Variants in GLB1L3 observed in about 807,000 individuals in gnomAD.
GLB1L3 encodes beta-galactosidase-1-like protein 3.
A neutral mutation model predicts 89.5 loss-of-function variants in GLB1L3; 89 were observed. The observed-to-expected ratio is 0.99, with a 90% CI of 0.84 to 1.19. GLB1L3 has a LOEUF of 1.19. Ranked by LOEUF, GLB1L3 falls within the 50% of genes most tolerant of loss-of-function variation. GLB1L3 has a pLI of 0.00. For missense variants in GLB1L3, 812 were observed against 813.3 expected (o/e 1.00, Z 0.02); for synonymous variants, 314 against 312.3 (o/e 1.01, Z -0.06).
intron 9 of GLB1L3, among the ~76,000 whole-genome samples, chr11:134,293,922 C>T (rs1386623910): frequency 3.3e-5 from 5 of 152,130 alleles, no homozygotes; most frequent in South Asian, 2.1e-4. Context: ...CTCCCAGCCC[C>T]GCTACCCCTC....
chr11:134,318,562 C>G (rs1258605476), intron 18 of GLB1L3, 69 bp from the exon 19 acceptor site: 3 of 905,880 alleles, frequency 3.3e-6, no homozygotes, highest in Admixed American at 4.0e-5. Flanking sequence ...CTCTCACTCT[C>G]CAAGTGCCTT....
chr11:134,305,316 G>C, intron 9 of GLB1L3: 1 of 513,430 alleles, frequency 1.9e-6, no homozygotes, highest in Non-Finnish European at 3.5e-6. Context: ...GCACTATAGA[G>C]TATGCTTCTT....
intron 7 of GLB1L3, among the ~76,000 whole-genome samples, chr11:134,290,945 A>G (rs542707): frequency 0.79 from 120,550 of 151,758 alleles, 48,726 homozygotes; most frequent in Non-Finnish European, 0.87. Context: ...TTCCCTGGAG[A>G]CTTTGATCAT....
chr11:134,276,810 G>A (rs1940390682), intron 1 of GLB1L3, 47 bp downstream of exon 1: 3 of 1,356,366 alleles, frequency 2.2e-6, no homozygotes, highest in South Asian at 3.6e-5. Flanking sequence ...ACCCCGGCGC[G>A]TGCCCGGGAG....
chr11:134,312,221 C>T, intron 13 of GLB1L3, 128 bp from the exon 14 acceptor site: 2 of 1,015,106 alleles, frequency 2.0e-6, no homozygotes, highest in Non-Finnish European at 2.9e-6. Context: ...CACATGGCAT[C>T]TGTTTCATCA....
rs1009061011 is a variant in GLB1L3, at chr11:134,313,007, G to A, written c.1500+120G>A. Reference sequence around the variant, plus strand: ...GCTGCTGGTGCTGCTGCTCACCTGGGGCGGCGGCAGGAAGTGTGCAGGGCT... The same window carrying A: ...GCTGCTGGTGCTGCTGCTCACCTGGAGCGGCGGCAGGAAGTGTGCAGGGCT... On this transcript the variant is annotated intron_variant, in intron 15 of 19. Transcript: ENST00000431683. 2.2e-5 allele frequency: 17 copies of A among 773,900 alleles called. No homozygotes were observed. The African/African-American group carries it at 2.4e-4, about 11-fold the overall frequency. 47.9% of individuals were successfully genotyped at this position (773,900 alleles called of 1,614,324 possible). A position where few individuals can be genotyped will look rare whatever the true frequency, so the allele number is the denominator to read the frequency against.
intron 6 of GLB1L3, among the ~76,000 whole-genome samples, chr11:134,287,800 GGGCAGAGGGTGAGGCGGGAAGGA>G (rs1941104737): frequency 6.6e-6 from 1 of 152,202 alleles, no homozygotes; most frequent in South Asian, 2.1e-4. Context: ...CAGCACGCCT[GGGCAGAGGGTGAGGCGGGAAGGA>G]GGCAGAGGGG....
intron 9 of GLB1L3, among the ~76,000 whole-genome samples, chr11:134,293,887 G>A (rs2136152509): frequency 6.6e-6 from 1 of 152,114 alleles, no homozygotes; most frequent in Non-Finnish European, 1.5e-5. Context: ...TTGGCCAGCT[G>A]GGCCGCTGTG....
intron 10 of GLB1L3, among the ~76,000 whole-genome samples, chr11:134,308,208 C>CCAT (rs1942325459): frequency 3.7e-5 from 1 of 27,224 alleles, no homozygotes; most frequent in African/African-American, 2.1e-4. Context: ...ACCACTACCA[C>CCAT]CACCACCATC....
chr11:134,288,818 C>A lies in GLB1L3; in HGVS notation c.657C>A (p.Val219=). 1 of 1,613,268 alleles carries A rather than the reference C, an allele frequency of 6.2e-7. No homozygotes were observed. Among genetic ancestry groups the A allele is most frequent in the Non-Finnish European group, 8.5e-7 (1 of 1,179,532 alleles). ...CTCAGTACCGCCAGGCAGGCCCTGT[C>A]ATCGCGGTGCAAGTGGAGAATGAGT... ...IPLQYRQAGP[V]IAVQVENEYG... The change falls in exon 7 of 20, where the codon GTC becomes GTA. Residue 219 remains valine, a synonymous_variant. Transcript: ENST00000431683.
rs200675510 is a variant in GLB1L3 at position 134,314,019 on chromosome 11, T to C, written c.1658T>C (p.Phe553Ser). The C allele has an allele frequency of 7.5e-5, 121 of 1,608,664 alleles. 2 individuals are homozygous for C. In the African/African-American group the frequency reaches 1.3e-3, roughly 17 times the overall value. ...TATTCCCTGGAGATGAAAATGAGCT[T>C]CTTTGAGAGGTATGCTCCAGCTGGC... ...TIYSLEMKMS[F>S]FERLRSATWK... The change falls in exon 17 of 20, where the codon TTC becomes TCC. Residue 553 changes from phenylalanine (F) to serine (S), a missense_variant. Physicochemically the swap from Phe to Ser is radical, Grantham distance 155. Coordinates refer to ENST00000431683, the MANE Select transcript of GLB1L3 (RefSeq NM_001080407.3).
At chr11:134,295,981 T>A (rs1028327755) in intron 9 of GLB1L3, among the ~76,000 whole-genome samples, 5 of 152,230 alleles carry the variant, frequency 3.3e-5, no homozygotes, top group African/African-American at 1.2e-4. Flanking sequence ...AACATACTTG[T>A]ATAATTTCTG....
rs771197517 is a variant in GLB1L3 at position 134,313,474 on chromosome 11, G to C, written c.1579G>C (p.Gly527Arg). 6.4e-7 allele frequency: 1 copy of C among 1,572,040 alleles called. No individual in the cohort carries two copies. The highest frequency in any genetic ancestry group is 1.2e-5 in the South Asian group (1 of 85,284). Residue 527 changes from glycine (G) to arginine (R), a missense_variant and splice_region_variant, in exon 16 of 20, where the codon GGA becomes CGA. Coordinates refer to ENST00000431683, the MANE Select transcript of GLB1L3 (RefSeq NM_001080407.3). ...FSWQIQNEQKGITGSVSINNS... is the reference protein window; with the variant it reads ...FSWQIQNEQKRITGSVSINNS... ...ATGGCAAATACAGAATGAGCAGAAA[G>C]GTGGGCTCTGGCTGTGGCTTCTCCT...
At chr11:134,317,321 A>G (rs1943027941) in intron 18 of GLB1L3, among the ~76,000 whole-genome samples, 1 of 152,166 alleles carries the variant, frequency 6.6e-6, no homozygotes, top group Admixed American at 6.5e-5. Flanking sequence ...ATATCGGTCC[A>G]TTCCACGCTA....
chr11:134,308,636 A>ATC, intron 10 of GLB1L3, among the ~76,000 whole-genome samples: 1 of 147,156 alleles, frequency 6.8e-6, no homozygotes, highest in Non-Finnish European at 1.5e-5. Context: ...CATCACCATC[A>ATC]ACACCATCAC....
chr11:134,276,730 G>A lies in GLB1L3; in HGVS notation c.-11G>A. On this transcript the variant is annotated 5_prime_UTR_variant, in exon 1 of 20. Transcript: ENST00000431683. Reference sequence around the variant, plus strand: ...GCCGCAAGGGACCCTCGGCGCCTCGGCCTGGCCGCGATGAAGTCCCCGCCC... The same window carrying A: ...GCCGCAAGGGACCCTCGGCGCCTCGACCTGGCCGCGATGAAGTCCCCGCCC... 5 of 1,449,992 alleles carry A rather than the reference G, an allele frequency of 3.4e-6. No individual in the cohort carries two copies. The South Asian group carries it at 4.0e-5, about 12-fold the overall frequency. The allele number at this position is 1,449,992 out of a possible 1,614,324, so 89.8% of individuals were successfully genotyped here.
chr11:134,318,659 A>G lies in GLB1L3; in HGVS notation c.1808A>G (p.Asn603Ser), dbSNP rs368782425. ...LNWNYGFVFI[N>S]GRNLGRYWNI... ...TGGAATTATGGATTTGTGTTCATCA[A>G]TGGACGTAACCTTGGGCGATATTGG... The change falls in exon 19 of 20, where the codon AAT becomes AGT. Residue 603 changes from asparagine (N) to serine (S), a missense_variant. Asn to Ser is a conservative substitution (Grantham distance 46). Transcript: ENST00000431683. 1.8e-5 allele frequency: 29 copies of G among 1,611,464 alleles called. No individual in the cohort carries two copies. Among genetic ancestry groups the G allele is most frequent in the African/African-American group, 4.0e-5 (3 of 74,908 alleles).
chr11:134,287,332 G>A (rs770976880), intron 6 of GLB1L3: 1 of 152,238 alleles, frequency 6.6e-6, no homozygotes, highest in Non-Finnish European at 1.5e-5. Context: ...ATAAGGGTAA[G>A]TGAAATGTAA....
chr11:134,312,992 C>A, intron 15 of GLB1L3, 105 bp downstream of exon 15: 1 of 839,692 alleles, frequency 1.2e-6, no homozygotes, highest in Non-Finnish European at 2.0e-6. Context: ...GCTGCTGGTG[C>A]TGCTGCTCAC....
Sources: gnomAD v4.1 joint callset for allele counts (sites outside exome capture counted in the v4.1 genomes callset) on GRCh38, gnomAD v4.1.1 for gene constraint, MANE v1.5 for transcripts, NCBI Gene and HGNC (gene_info 2026-07-23, HGNC 2026-07-21) for gene names.